The following PXDNL variants were observed in gnomAD, a reference collection of about 807,000 sequenced individuals.
PXDNL encodes the protein probable oxidoreductase PXDNL.
In PXDNL, 145 loss-of-function variants were observed where a neutral mutation model predicts 150.8. The ratio of observed to expected loss-of-function variants is 0.96; its 90% CI spans 0.84 to 1.10. PXDNL has a LOEUF of 1.10. Among genes scored for constraint, PXDNL ranks in the 50% least tolerant of loss-of-function variants. The pLI, the probability that PXDNL is intolerant of heterozygous loss-of-function variation, is 0.00. For synonymous variants in PXDNL, 757 were observed against 725.7 expected (o/e 1.04, Z -0.69); for missense variants, 2,087 against 1,873.9 (o/e 1.11, Z -2.10).
chr8:51,491,808 C>T (rs1436132776), intron 5 of PXDNL, among the ~76,000 whole-genome samples: 1 of 152,222 alleles, frequency 6.6e-6, no homozygotes, highest in Non-Finnish European at 1.5e-5. Context: ...AAATTTCCCC[C>T]AAATTAAAGT....
chr8:51,403,217 AAAT>A lies in PXDNL; in HGVS notation c.3557+4847_3557+4849del, dbSNP rs546244371. 2.6e-3 allele frequency among the ~76,000 whole-genome samples: 397 copies of A among 152,344 alleles called. 1 individual carries two copies. The highest frequency in any genetic ancestry group is 9.4e-3 in the African/African-American group (391 of 41,582). ...CCTGGAATAAAATAAGCTCTTTAAA[AAAT>A]AATAAAACACTTTTGACCAAGAAAA... On this transcript the variant is annotated intron_variant, in intron 17 of 22. Coordinates refer to ENST00000356297, the MANE Select transcript of PXDNL (RefSeq NM_144651.5).
At chr8:51,676,505 G>C (rs546153471) in intron 1 of PXDNL, among the ~76,000 whole-genome samples, 2 of 152,108 alleles carry the variant, frequency 1.3e-5, no homozygotes, top group Admixed American at 6.6e-5. Flanking sequence ...TCGAACTCGT[G>C]ACCTCAAGTG....
At chr8:51,638,327 C>A (rs1814653764) in intron 2 of PXDNL, among the ~76,000 whole-genome samples, 1 of 152,134 alleles carries the variant, frequency 6.6e-6, no homozygotes, top group African/African-American at 2.4e-5. Flanking sequence ...ATCATAATGA[C>A]AGGATCAAAT....
At chr8:51,790,636 G>A (rs1386832889) in intron 1 of PXDNL, among the ~76,000 whole-genome samples, 4 of 151,970 alleles carry the variant, frequency 2.6e-5, no homozygotes, top group Admixed American at 6.6e-5. Context: ...TGCCGGAGTC[G>A]CAGCTCTCTG....
chr8:51,483,582 G>T, intron 6 of PXDNL, 61 bp downstream of exon 6: 1 of 1,019,094 alleles, frequency 9.8e-7, no homozygotes, highest in South Asian at 1.5e-5. Context: ...ACCATTGTTT[G>T]GGATGGATTT....
At chr8:51,465,845 G>C (rs942532739) in intron 8 of PXDNL, among the ~76,000 whole-genome samples, 1 of 152,086 alleles carries the variant, frequency 6.6e-6, no homozygotes, top group African/African-American at 2.4e-5. Context: ...AACCAAGTAA[G>C]TGAAATATTG....
At chr8:51,397,199 C>T (rs913491009) in intron 17 of PXDNL, among the ~76,000 whole-genome samples, 1 of 152,184 alleles carries the variant, frequency 6.6e-6, no homozygotes, top group Non-Finnish European at 1.5e-5. Flanking sequence ...ATAAGCATGC[C>T]TGCTAACAAT....
chr8:51,593,295 CA>C (rs1189219415), intron 2 of PXDNL, among the ~76,000 whole-genome samples: 1 of 152,156 alleles, frequency 6.6e-6, no homozygotes, highest in African/African-American at 2.4e-5. Flanking sequence ...ACTGAAAAAT[CA>C]ACTTGCAGTA....
intron 1 of PXDNL, among the ~76,000 whole-genome samples, chr8:51,696,666 GGTCCACACACATCCACACAC>G (rs1816136528): frequency 1.7e-5 from 1 of 59,696 alleles, no homozygotes; most frequent in East Asian, 5.9e-4. Context: ...TCCACACACA[GGTCCACACACATCCACACAC>G]ACAGGTCCAC....
At chr8:51,782,190 G>C (rs935236523) in intron 1 of PXDNL, among the ~76,000 whole-genome samples, 1 of 152,176 alleles carries the variant, frequency 6.6e-6, no homozygotes, top group Non-Finnish European at 1.5e-5. Flanking sequence ...ACTGCTCCAG[G>C]AGTGAGTGTT....
chr8:51,413,724 CT>C (rs1170401602), intron 14 of PXDNL, among the ~76,000 whole-genome samples: 4 of 151,524 alleles, frequency 2.6e-5, no homozygotes, highest in Non-Finnish European at 4.4e-5. Context: ...TTAATTTATG[CT>C]TTTTTTATAG....
At chr8:51,645,709 G>A (rs1814903278) in intron 2 of PXDNL, among the ~76,000 whole-genome samples, 2 of 152,184 alleles carry the variant, frequency 1.3e-5, no homozygotes, top group Admixed American at 6.5e-5. Flanking sequence ...AACACAGCCT[G>A]AAATGGAGAA....
intron 1 of PXDNL, among the ~76,000 whole-genome samples, chr8:51,663,411 G>A (rs1484401584): frequency 6.6e-6 from 1 of 152,158 alleles, no homozygotes; most frequent in African/African-American, 2.4e-5. Context: ...GGCAATTAGT[G>A]TTCCACGTTA....
At chr8:51,405,615 C>T (rs1808414803) in intron 17 of PXDNL, among the ~76,000 whole-genome samples, 1 of 152,214 alleles carries the variant, frequency 6.6e-6, no homozygotes, top group Non-Finnish European at 1.5e-5. Flanking sequence ...ATATCATCTT[C>T]AGCAGCTCCT....
intron 6 of PXDNL, among the ~76,000 whole-genome samples, chr8:51,477,122 T>C (rs1241028005): frequency 6.6e-6 from 1 of 152,218 alleles, no homozygotes; most frequent in Non-Finnish European, 1.5e-5. Context: ...AACAACTGTA[T>C]ACATTTTAAT....
chr8:51,606,050 A>T (rs1162448728), intron 2 of PXDNL, among the ~76,000 whole-genome samples: 1 of 152,106 alleles, frequency 6.6e-6, no homozygotes, highest in Non-Finnish European at 1.5e-5. Context: ...TTATAGCAAC[A>T]TAAAATAGAC....
At chr8:51,366,500 C>G (rs1359804631) in intron 19 of PXDNL, among the ~76,000 whole-genome samples, 1 of 151,550 alleles carries the variant, frequency 6.6e-6, no homozygotes, top group Non-Finnish European at 1.5e-5. Flanking sequence ...CTTAATTTGT[C>G]TAAGGTTTTT....
At chr8:51,415,329 T>C (rs1808766645) in intron 14 of PXDNL, among the ~76,000 whole-genome samples, 1 of 152,144 alleles carries the variant, frequency 6.6e-6, no homozygotes, top group African/African-American at 2.4e-5. Context: ...TTTAATTGGC[T>C]TACAGTTCCT....
At chr8:51,546,339 C>A (rs758435256) in intron 4 of PXDNL, among the ~76,000 whole-genome samples, 2 of 152,212 alleles carry the variant, frequency 1.3e-5, no homozygotes, top group Non-Finnish European at 2.9e-5. Flanking sequence ...AGTGCCTGAT[C>A]TTGTTTGATC....
Sources: gnomAD v4.1 joint callset for allele counts (sites outside exome capture counted in the v4.1 genomes callset) on GRCh38, gnomAD v4.1.1 for gene constraint, MANE v1.5 for transcripts, NCBI Gene and HGNC (gene_info 2026-07-23, HGNC 2026-07-21) for gene names.